The following KCNK10 variants were observed in gnomAD, a reference collection of about 807,000 sequenced individuals.
KCNK10 encodes potassium two pore domain channel subfamily K member 10.
Under a neutral mutation model 47.7 loss-of-function variants are expected in KCNK10, and 25 were observed. The observed-to-expected ratio is 0.52, with a 90% confidence interval of 0.38 to 0.73. The LOEUF is 0.73. Ranked by LOEUF, KCNK10 falls within the 30% of genes least tolerant of loss-of-function variation. KCNK10 has a pLI of 0.00. For missense variants in KCNK10, 563 were observed against 714.5 expected, an observed-to-expected ratio of 0.79 and a Z score of 2.42; for synonymous variants, 303 against 285.6, an observed-to-expected ratio of 1.06 and a Z score of -0.61.
At chr14:88,325,577 GA>G (rs1888643950), upstream of KCNK10, among the ~76,000 whole-genome samples, 1 of 152,180 alleles carries the variant, frequency 6.6e-6, no homozygotes, top group Non-Finnish European at 1.5e-5. Flanking sequence ...CTCCATGCCA[GA>G]ACCTTGTGAG....
chr14:88,240,987 A>G (rs1364945070), intron 2 of KCNK10, among the ~76,000 whole-genome samples, 167 bp from the exon 3 acceptor site: 1 of 152,134 alleles, frequency 6.6e-6, no homozygotes, highest in Admixed American at 6.5e-5. Context: ...GCAAAATACT[A>G]TGCACCCAGT....
rs761459110 is a variant in KCNK10, at chr14:88,185,494, C to CAT, written c.*40_*41insAT. The CAT allele has an allele frequency of 6.3e-7, 1 of 1,581,520 alleles. No individual in the cohort carries two copies. Among genetic ancestry groups the CAT allele is most frequent in the Non-Finnish European group, 8.6e-7 (1 of 1,162,378 alleles). Reference sequence around the variant, plus strand: ...TGTGAATATTAAAAACACACACACACACACACACAACGCTCAGTCCAAGAC... The same window carrying CAT: ...TGTGAATATTAAAAACACACACACACATACACACACAACGCTCAGTCCAAGAC... On this transcript the variant is annotated 3_prime_UTR_variant, in exon 7 of 7. Coordinates refer to ENST00000319231, the MANE Select transcript of KCNK10 (RefSeq NM_138317.3). The surrounding 1 kb of genome is among the most constrained non-coding windows in gnomAD (Gnocchi z 4.3).
chr14:88,185,523 T>G lies in KCNK10; in HGVS notation c.*12A>C. On this transcript the variant is annotated 3_prime_UTR_variant, in exon 7 of 7. Transcript: ENST00000319231. The surrounding 1 kb of genome is among the most constrained non-coding windows in gnomAD (Gnocchi z 4.3). ...CACACAACGCTCAGTCCAAGACCAATGTCCTTCACATTTAGTTTCTGTCTT... is the reference window on the plus strand; with the variant it reads ...CACACAACGCTCAGTCCAAGACCAAGGTCCTTCACATTTAGTTTCTGTCTT... 1 of 1,609,298 alleles carries G rather than the reference T, an allele frequency of 6.2e-7. No individual in the cohort carries two copies. The highest frequency in any genetic ancestry group is 8.5e-7 in the Non-Finnish European group (1 of 1,176,870).
In KCNK10 at chr14:88,322,744, C is replaced by T; in HGVS notation, c.52+3G>A. 1 of 1,614,126 alleles carries T rather than the reference C, an allele frequency of 6.2e-7. No individual in the cohort carries two copies. The highest frequency in any genetic ancestry group is 8.5e-7 in the Non-Finnish European group (1 of 1,179,998). Reference sequence around the variant, plus strand: ...AGGGCAGCCAAAAGTAGGAAACACCCACCTTTAGGATCCCAGTTCACCTGT... The same window carrying T: ...AGGGCAGCCAAAAGTAGGAAACACCTACCTTTAGGATCCCAGTTCACCTGT... On this transcript the variant is annotated splice_donor_region_variant and intron_variant, in intron 1 of 6. Transcript: ENST00000319231. The surrounding 1 kb of genome is among the most constrained non-coding windows in gnomAD (Gnocchi z 4.8).
chr14:88,287,710 T>A (rs1887795965), intron 1 of KCNK10, among the ~76,000 whole-genome samples: 1 of 148,722 alleles, frequency 6.7e-6, no homozygotes, highest in Admixed American at 6.7e-5. Flanking sequence ...TGTGTGTGTG[T>A]GTGTGTGTGT....
chr14:88,187,877 A>G (rs1278763762), intron 6 of KCNK10, 90 bp downstream of exon 6: 12 of 1,468,246 alleles, frequency 8.2e-6, no homozygotes, highest in Non-Finnish European at 7.5e-6. Flanking sequence ...CGAGCCAGAA[A>G]CACTCCAGCC....
chr14:88,294,954 T>C (rs1281137064), intron 1 of KCNK10, among the ~76,000 whole-genome samples: 3 of 152,236 alleles, frequency 2.0e-5, no homozygotes, highest in Admixed American at 2.0e-4. Flanking sequence ...CTCTTCAATG[T>C]ATTTCTTATA....
Position 88,212,109 on chromosome 14 carries a change from A to AATATATATAT in KCNK10, c.681+15256_681+15265dup, listed in dbSNP as rs34318518. On this transcript the variant is annotated intron_variant, in intron 4 of 6. Coordinates refer to ENST00000319231, the MANE Select transcript of KCNK10 (RefSeq NM_138317.3). Reference sequence around the variant, plus strand: ...ACTTTTGGTACTAACTGATAGTGAGAATATATATATATATATATATATCGA... The same window carrying AATATATATAT: ...ACTTTTGGTACTAACTGATAGTGAGAATATATATATATATATATATATATATATATATCGA... Among the ~76,000 whole-genome samples the AATATATATAT allele has an allele frequency of 1.6e-3, 219 of 133,360 alleles. 6 individuals are homozygous for AATATATATAT. The highest frequency in any genetic ancestry group is 5.4e-3 in the African/African-American group (192 of 35,874). The allele number at this position is 133,360 out of a possible 152,430, so 87.5% of individuals were successfully genotyped here. A position where few individuals can be genotyped will look rare whatever the true frequency, so the allele number is the denominator to read the frequency against.
rs968359421 is a variant in KCNK10, at chr14:88,180,930, T to C, written c.*4605A>G. 63 of 398,392 alleles carry C rather than the reference T, an allele frequency of 1.6e-4. No homozygotes were observed. The highest frequency in any genetic ancestry group is 2.4e-4 in the Non-Finnish European group (54 of 225,934). 24.7% of individuals were successfully genotyped at this position (398,392 alleles called of 1,614,324 possible). A position where few individuals can be genotyped will look rare whatever the true frequency, so the allele number is the denominator to read the frequency against. On this transcript the variant is annotated 3_prime_UTR_variant, in exon 7 of 7. Transcript: ENST00000319231. ...ATCTTTGTTTCAGAGAGTTACCCTTTTTCTTTTTAAGGCCATTACTAGCCA... is the reference window on the plus strand; with the variant it reads ...ATCTTTGTTTCAGAGAGTTACCCTTCTTCTTTTTAAGGCCATTACTAGCCA...
upstream of KCNK10, chr14:88,323,274 G>C (rs1888590983): frequency 5.1e-6 from 5 of 986,020 alleles, no homozygotes; most frequent in Admixed American, 3.1e-4. Flanking sequence ...GCGCTTGGGC[G>C]GGCACGTCAG....
chr14:88,287,459 T>A (rs1243721074), intron 1 of KCNK10, among the ~76,000 whole-genome samples: 1 of 152,196 alleles, frequency 6.6e-6, no homozygotes, highest in Non-Finnish European at 1.5e-5. Flanking sequence ...CTGTCTTTTA[T>A]CCCTCACTGC....
intron 1 of KCNK10, among the ~76,000 whole-genome samples, chr14:88,289,828 A>G (rs1006380702): frequency 6.6e-6 from 1 of 152,234 alleles, no homozygotes; most frequent in Non-Finnish European, 1.5e-5. Context: ...AAGATAATTC[A>G]CTTGAAGTGC....
intron 1 of KCNK10, among the ~76,000 whole-genome samples, chr14:88,279,364 C>CATGT (rs1491094361): frequency 2.9e-5 from 4 of 137,578 alleles, no homozygotes. Flanking sequence ...TTGCCAGATA[C>CATGT]GTGTGTGTGT....
At chr14:88,326,180 C>CT (rs1888657638), upstream of KCNK10, among the ~76,000 whole-genome samples, 1 of 111,234 alleles carries the variant, frequency 9.0e-6, no homozygotes, top group Non-Finnish European at 2.0e-5. Context: ...GCAAGTTACC[C>CT]GCCCCCCCCC....
intron 4 of KCNK10, among the ~76,000 whole-genome samples, chr14:88,211,573 C>G (rs1184046254): frequency 6.6e-6 from 1 of 152,132 alleles, no homozygotes; most frequent in Non-Finnish European, 1.5e-5. Context: ...TCTAAAGTAT[C>G]CTACCAACTC....
At chr14:88,250,109 T>C (rs980378617) in intron 2 of KCNK10, among the ~76,000 whole-genome samples, 5 of 152,126 alleles carry the variant, frequency 3.3e-5, no homozygotes, top group Admixed American at 2.0e-4. Flanking sequence ...TTGGTTTTAT[T>C]TTTATGGGAG....
chr14:88,186,820 C>T lies in KCNK10; in HGVS notation c.1012-665G>A, dbSNP rs1471739786. Among the ~76,000 whole-genome samples the T allele has an allele frequency of 6.6e-6, 1 of 152,182 alleles. No individual in the cohort carries two copies. The highest frequency in any genetic ancestry group is 1.9e-4 in the East Asian group (1 of 5,184). ...TGGTTTAAGAAGATGCTCCAGGGCA[C>T]CTGGTAACCCACTTCCCCCAGTCAG... On this transcript the variant is annotated intron_variant, in intron 6 of 6. Coordinates refer to ENST00000319231, the MANE Select transcript of KCNK10 (RefSeq NM_138317.3). The surrounding 1 kb of genome is among the most constrained non-coding windows in gnomAD (Gnocchi z 5.5).
chr14:88,185,732 T>C lies in KCNK10; in HGVS notation c.1435A>G (p.Lys479Glu), dbSNP rs770344094. 1.2e-6 allele frequency: 2 copies of C among 1,614,134 alleles called. No homozygotes were observed. The highest frequency in any genetic ancestry group is 2.2e-5 in the South Asian group (2 of 91,064). ...TLPEDVQKIY[K>E]TFRNYSLDEE... ...TCCAGGGAGTAATTCCGGAAGGTCT[T>C]GTAGATTTTCTGAACGTCCTCGGGC... The change falls in exon 7 of 7, where the codon AAG becomes GAG. Residue 479 changes from lysine to glutamate, a missense_variant. Transcript: ENST00000319231. The surrounding 1 kb of genome is among the most constrained non-coding windows in gnomAD (Gnocchi z 4.3).
In KCNK10 at chr14:88,311,915, T is replaced by C. The variant is rs147725907; in HGVS notation, c.52+10832A>G. Among the ~76,000 whole-genome samples the C allele has an allele frequency of 1.4e-3, 215 of 152,216 alleles. 5 individuals are homozygous for C. The East Asian group carries it at 0.033, about 23-fold the overall frequency. On this transcript the variant is annotated intron_variant, in intron 1 of 6. Transcript: ENST00000319231. ...CAACAGAACCAGAAGGGGGGCACAG[T>C]GGCGTCTTGGCATCCTGAGACTTTT...
Sources: allele counts gnomAD v4.1 joint callset (sites outside exome capture counted in the v4.1 genomes callset), GRCh38; gene constraint gnomAD v4.1.1; non-coding constraint Gnocchi (gnomAD v3.1); transcripts MANE v1.5; gene names NCBI Gene and HGNC (gene_info 2026-07-23, HGNC 2026-07-21).